The following CAMKMT variants were observed in gnomAD, a reference collection of about 807,000 sequenced individuals.
CAMKMT encodes CaM KMT.
In CAMKMT, 53 loss-of-function variants were observed where a neutral mutation model predicts 48.0. The observed-to-expected ratio is 1.10, with a 90% CI of 0.89 to 1.39. The LOEUF (loss-of-function observed/expected upper bound fraction) is 1.39. CAMKMT is among the 40% of genes most tolerant of loss of function. The pLI is 0.00. For missense variants in CAMKMT, 428 were observed against 402.7 expected, an observed-to-expected ratio of 1.06 and a Z score of -0.54; for synonymous variants, 165 against 152.3, an observed-to-expected ratio of 1.08 and a Z score of -0.61.
chr2:44,447,123 T>C (rs534733555), intron 3 of CAMKMT, among the ~76,000 whole-genome samples: 15 of 152,322 alleles, frequency 9.8e-5, no homozygotes, highest in Non-Finnish European at 1.2e-4. Flanking sequence ...AGTGGAGATA[T>C]GATGCATCTG....
In CAMKMT at chr2:44,641,827, G is replaced by A. The variant is rs920284975; in HGVS notation, c.377-62456G>A. Among the ~76,000 whole-genome samples the A allele has an allele frequency of 3.9e-5, 6 of 152,280 alleles. No individual in the cohort carries two copies. The South Asian group carries it at 6.2e-4, about 16-fold the overall frequency. On this transcript the variant is annotated intron_variant, in intron 3 of 10. Coordinates refer to ENST00000378494, the MANE Select transcript of CAMKMT (RefSeq NM_024766.5). ...CCCGGCTTAGCCTCCCAAAGTGCTG[G>A]GATTATAGGCGTGAGCCACCACACC...
chr2:44,462,194 T>G (rs759093237), intron 3 of CAMKMT, among the ~76,000 whole-genome samples: 1 of 152,092 alleles, frequency 6.6e-6, no homozygotes, highest in Non-Finnish European at 1.5e-5. Flanking sequence ...GGACAACTCA[T>G]GTAGAAAATT....
At chr2:44,492,821 G>T (rs1669572621) in intron 3 of CAMKMT, among the ~76,000 whole-genome samples, 1 of 151,780 alleles carries the variant, frequency 6.6e-6, no homozygotes, top group Non-Finnish European at 1.5e-5. Flanking sequence ...ATTTACTGTA[G>T]CAGAATATGC....
intron 3 of CAMKMT, among the ~76,000 whole-genome samples, chr2:44,531,896 T>C (rs1666503392): frequency 6.6e-6 from 1 of 152,228 alleles, no homozygotes; most frequent in Non-Finnish European, 1.5e-5. Context: ...GCTATAATTC[T>C]GAGGCTTCTT....
intron 3 of CAMKMT, among the ~76,000 whole-genome samples, chr2:44,461,326 T>G (rs1288400248): frequency 6.6e-6 from 1 of 152,146 alleles, no homozygotes. Flanking sequence ...AGTTTACTCA[T>G]TAAATATCTC....
chr2:44,681,540 CTTT>C (rs3055007), intron 3 of CAMKMT, among the ~76,000 whole-genome samples: 6 of 137,488 alleles, frequency 4.4e-5, no homozygotes, highest in Admixed American at 7.3e-5. Context: ...CTCTTACCAG[CTTT>C]TTTTTTTTTT....
chr2:44,662,790 C>T (rs2104089837), intron 3 of CAMKMT, among the ~76,000 whole-genome samples: 1 of 152,218 alleles, frequency 6.6e-6, no homozygotes, highest in Non-Finnish European at 1.5e-5. Flanking sequence ...TCTTGAACTC[C>T]TGGGCTCAAG....
At chr2:44,705,736 A>G (rs1465755445) in intron 4 of CAMKMT, among the ~76,000 whole-genome samples, 1 of 152,040 alleles carries the variant, frequency 6.6e-6, no homozygotes, top group African/African-American at 2.4e-5. Flanking sequence ...TCTTTGTGTA[A>G]TTGTTCTTTA....
At chr2:44,599,431 C>G (rs1011100437) in intron 3 of CAMKMT, among the ~76,000 whole-genome samples, 1 of 152,074 alleles carries the variant, frequency 6.6e-6, no homozygotes, top group Non-Finnish European at 1.5e-5. Flanking sequence ...TACAGCTAAT[C>G]CTTTCAATGA....
intron 3 of CAMKMT, among the ~76,000 whole-genome samples, chr2:44,420,694 T>G (rs1414770166): frequency 6.6e-6 from 1 of 152,094 alleles, no homozygotes; most frequent in African/African-American, 2.4e-5. Context: ...TAGAAGATAG[T>G]GTGGATAATT....
chr2:44,382,477 CT>C (rs1481037869), intron 2 of CAMKMT, among the ~76,000 whole-genome samples: 1 of 149,478 alleles, frequency 6.7e-6, no homozygotes, highest in East Asian at 1.9e-4. Context: ...TTTTCTTTTT[CT>C]TTTTCTTTTT....
intron 3 of CAMKMT, among the ~76,000 whole-genome samples, chr2:44,607,911 A>T (rs766175505): frequency 6.6e-6 from 1 of 151,988 alleles, no homozygotes; most frequent in Admixed American, 6.6e-5. Flanking sequence ...CCATTACCCA[A>T]TATACCCATT....
chr2:44,479,583 G>C (rs752297598), intron 3 of CAMKMT, among the ~76,000 whole-genome samples: 6 of 152,170 alleles, frequency 3.9e-5, no homozygotes, highest in Admixed American at 6.5e-5. Context: ...CCCCAGTAGA[G>C]GGTACTGCTG....
chr2:44,735,704 C>T (rs1471310862), intron 7 of CAMKMT, among the ~76,000 whole-genome samples: 1 of 151,670 alleles, frequency 6.6e-6, no homozygotes, highest in East Asian at 1.9e-4. Flanking sequence ...GAGTTTGAAA[C>T]CAGCCTGGCC....
intron 3 of CAMKMT, among the ~76,000 whole-genome samples, chr2:44,430,067 A>G (rs530748702): frequency 1.3e-5 from 2 of 152,042 alleles, no homozygotes; most frequent in East Asian, 1.9e-4. Context: ...GATACTTTCA[A>G]TGGGCTTTCG....
At chr2:44,650,306 CTGTCT>C (rs1673988323) in intron 3 of CAMKMT, among the ~76,000 whole-genome samples, 1 of 152,170 alleles carries the variant, frequency 6.6e-6, no homozygotes, top group South Asian at 2.1e-4. Context: ...GGGTGTCTCT[CTGTCT>C]TCACGTGGCC....
intron 3 of CAMKMT, among the ~76,000 whole-genome samples, chr2:44,666,592 C>T (rs1336085139): frequency 6.7e-6 from 1 of 150,118 alleles, no homozygotes; most frequent in East Asian, 1.9e-4. Flanking sequence ...GTATTTTGAT[C>T]TCCTTTTGGC....
At chr2:44,757,331 C>G (rs1212934131) in intron 9 of CAMKMT, among the ~76,000 whole-genome samples, 1 of 152,200 alleles carries the variant, frequency 6.6e-6, no homozygotes, top group East Asian at 1.9e-4. Flanking sequence ...AGAGTTCTAT[C>G]AGCTCTGAAA....
intron 3 of CAMKMT, among the ~76,000 whole-genome samples, chr2:44,454,898 A>T (rs1259925741): frequency 6.6e-6 from 1 of 152,178 alleles, no homozygotes; most frequent in Non-Finnish European, 1.5e-5. Context: ...AACAGAATCC[A>T]GCTTACTTCT....
Sources: allele counts gnomAD v4.1 joint callset (sites outside exome capture counted in the v4.1 genomes callset), GRCh38; gene constraint gnomAD v4.1.1; transcripts MANE v1.5; gene names NCBI Gene and HGNC (gene_info 2026-07-23, HGNC 2026-07-21).